The following CDH4 variants were observed in gnomAD, a reference collection of about 807,000 sequenced individuals.
CDH4 encodes the protein cadherin 4.
CDH4 carries 33 observed loss-of-function variants against 86.0 expected under a neutral mutation model. The observed-to-expected ratio is 0.38, with a 90% confidence interval of 0.29 to 0.51. The LOEUF (loss-of-function observed/expected upper bound fraction) is 0.51, where lower values mean the gene tolerates loss of function less well. CDH4 is among the 20% of genes least tolerant of loss of function. The pLI, the probability that CDH4 is intolerant of heterozygous loss-of-function variation, is 0.86. For synonymous variants in CDH4, 555 were observed against 549.4 expected (o/e 1.01, Z -0.14); for missense variants, 1,114 against 1,307.4 (o/e 0.85, Z 2.28).
At chr20:61,526,138 T>C (rs978509978) in intron 2 of CDH4, among the ~76,000 whole-genome samples, 5 of 152,216 alleles carry the variant, frequency 3.3e-5, no homozygotes, top group Middle Eastern at 3.4e-3. Context: ...CGAGTCTCTA[T>C]GGGTCCCTCT....
intron 4 of CDH4, among the ~76,000 whole-genome samples, chr20:61,805,753 G>A (rs1980091086): frequency 6.6e-6 from 1 of 152,224 alleles, no homozygotes; most frequent in Admixed American, 6.5e-5. Context: ...CAAACTCAGG[G>A]AGGGGCCCTC....
At chr20:61,692,251 A>G (rs13045467) in intron 2 of CDH4, among the ~76,000 whole-genome samples, 7 of 136,750 alleles carry the variant, frequency 5.1e-5, no homozygotes, top group African/African-American at 7.7e-5. Context: ...ATGTGTGTGT[A>G]TGTGTGTGTC....
At position 61,517,068 on chromosome 20, in the gene CDH4, T is replaced by C. The variant is rs941510752; in HGVS notation, c.170-226495T>C. Among the ~76,000 whole-genome samples, 3 of 152,196 alleles carry C rather than the reference T, an allele frequency of 2.0e-5. No individual in the cohort carries two copies. Among genetic ancestry groups the C allele is most frequent in the Admixed American group, 1.3e-4 (2 of 15,276 alleles). On this transcript the variant is annotated intron_variant, in intron 2 of 15. Transcript: ENST00000614565. The surrounding 1 kb of genome is among the most constrained non-coding windows in gnomAD (Gnocchi z 6.6). The stretch of plus-strand genomic sequence containing the variant: ...GGCCAGCACCCAGCTTGAGTCACAC[T>C]CCATCTGCCCTTCCAGAAAGCTCCC...
intron 7 of CDH4, among the ~76,000 whole-genome samples, chr20:61,880,953 G>T (rs1308966288): frequency 1.3e-5 from 2 of 152,216 alleles, no homozygotes; most frequent in African/African-American, 4.8e-5. Flanking sequence ...ATGGTGACCT[G>T]GTTTCATGGG....
intron 2 of CDH4, among the ~76,000 whole-genome samples, chr20:61,723,892 CCA>C (rs2088074984): frequency 6.6e-6 from 1 of 151,100 alleles, no homozygotes; most frequent in Non-Finnish European, 1.5e-5. Flanking sequence ...GGGTGGGTCC[CCA>C]TGCAGGGGGC....
intron 3 of CDH4, among the ~76,000 whole-genome samples, chr20:61,760,704 T>C (rs1027095208): frequency 1.3e-5 from 2 of 152,270 alleles, no homozygotes; most frequent in African/African-American, 4.8e-5. Context: ...ACTGCCCGAC[T>C]GTGTTCAGGA....
intron 2 of CDH4, among the ~76,000 whole-genome samples, chr20:61,296,284 C>G (rs112161213): frequency 1.9e-4 from 16 of 86,274 alleles, no homozygotes; most frequent in Middle Eastern, 6.1e-3. Flanking sequence ...TGCGTGGGTG[C>G]GTGTGTGTGT....
At chr20:61,515,249 T>G (rs1468985288) in intron 2 of CDH4, among the ~76,000 whole-genome samples, 1 of 152,250 alleles carries the variant, frequency 6.6e-6, no homozygotes, top group Non-Finnish European at 1.5e-5. Flanking sequence ...GGGACTCCCC[T>G]GTGTGGTCAC....
At chr20:61,358,591 A>T (rs1027372094) in intron 2 of CDH4, among the ~76,000 whole-genome samples, 1 of 152,230 alleles carries the variant, frequency 6.6e-6, no homozygotes, top group Non-Finnish European at 1.5e-5. Flanking sequence ...TAAAACCTAA[A>T]ATCCAGTCCC....
intron 13 of CDH4, among the ~76,000 whole-genome samples, chr20:61,931,511 G>A (rs1453921026): frequency 1.3e-5 from 2 of 152,188 alleles, no homozygotes; most frequent in Non-Finnish European, 2.9e-5. Context: ...CTGGGGGGTC[G>A]CCGCCCCTCT....
intron 2 of CDH4, among the ~76,000 whole-genome samples, chr20:61,585,891 G>A (rs1455221786): frequency 2.0e-5 from 3 of 151,568 alleles, no homozygotes; most frequent in African/African-American, 7.3e-5. Context: ...GATTATGATG[G>A]TGATGGTGCT....
rs552198892 is a variant in CDH4, at chr20:61,520,617, G to A, written c.170-222946G>A. ...GCCTATGGATCAGGCACCAGGCTTG[G>A]CATTTGGCGCATAGTTTCCTCTTTC... On this transcript the variant is annotated intron_variant, in intron 2 of 15. Coordinates refer to ENST00000614565, the MANE Select transcript of CDH4 (RefSeq NM_001794.5). Among the ~76,000 whole-genome samples, 8 of 152,310 alleles carry A rather than the reference G, an allele frequency of 5.3e-5. No homozygotes were observed. In the East Asian group the frequency reaches 7.7e-4, roughly 15 times the overall value.
chr20:61,431,247 T>C (rs1600972555), intron 2 of CDH4, among the ~76,000 whole-genome samples: 1 of 152,228 alleles, frequency 6.6e-6, no homozygotes, highest in African/African-American at 2.4e-5. Context: ...TCCCCACTAT[T>C]TCAAATCTTA....
chr20:61,890,232 GGATGGATACAT>G (rs1984757968), intron 7 of CDH4, among the ~76,000 whole-genome samples: 1 of 151,750 alleles, frequency 6.6e-6, no homozygotes, highest in Admixed American at 6.6e-5. Flanking sequence ...GTGAGTGGAT[GGATGGATACAT>G]GATGGATGCA....
At chr20:61,826,062 T>C (rs879928769) in intron 4 of CDH4, among the ~76,000 whole-genome samples, 1 of 152,182 alleles carries the variant, frequency 6.6e-6, no homozygotes, top group Non-Finnish European at 1.5e-5. Flanking sequence ...TCCTCCCTGC[T>C]TCTGCCCTTG....
At position 61,381,172 on chromosome 20, in the gene CDH4, G is replaced by A. The variant is rs139398588; in HGVS notation, c.169+126235G>A. 1.7e-3 allele frequency among the ~76,000 whole-genome samples: 264 copies of A among 152,232 alleles called. 1 individual carries two copies. Among genetic ancestry groups the A allele is most frequent in the African/African-American group, 5.8e-3 (241 of 41,548 alleles). The stretch of plus-strand genomic sequence containing the variant: ...CTCGAATGAGGCTCGGGGTGCCTGC[G>A]CTCCTTAATGCGTCTTCCAAAGAAG... On this transcript the variant is annotated intron_variant, in intron 2 of 15. Transcript: ENST00000614565.
intron 4 of CDH4, among the ~76,000 whole-genome samples, chr20:61,834,731 C>T (rs1189529948): frequency 7.4e-6 from 1 of 135,852 alleles, no homozygotes; most frequent in Admixed American, 7.4e-5. Context: ...CGCAGCCTCA[C>T]GGGCTGAAAC....
At chr20:61,813,993 C>T (rs1980578249) in intron 4 of CDH4, among the ~76,000 whole-genome samples, 1 of 152,222 alleles carries the variant, frequency 6.6e-6, no homozygotes, top group African/African-American at 2.4e-5. Flanking sequence ...GCAGGGCTGG[C>T]TCCCAGGCCA....
At chr20:61,645,020 G>C (rs531274781) in intron 2 of CDH4, among the ~76,000 whole-genome samples, 4 of 152,296 alleles carry the variant, frequency 2.6e-5, no homozygotes, top group Non-Finnish European at 5.9e-5. Flanking sequence ...GAGCTCCCGG[G>C]AGTCTCTTCT....
Sources: allele counts gnomAD v4.1 joint callset (sites outside exome capture counted in the v4.1 genomes callset), GRCh38; gene constraint gnomAD v4.1.1; non-coding constraint Gnocchi (gnomAD v3.1); transcripts MANE v1.5; gene names NCBI Gene and HGNC (gene_info 2026-07-23, HGNC 2026-07-21).